Variants in ACACA observed in about 807,000 individuals in gnomAD.
ACACA encodes the protein acetyl-CoA carboxylase 1.
ACACA carries 103 observed loss-of-function variants against 296.1 expected under a neutral mutation model. That is an observed-to-expected ratio of 0.35 (90% confidence interval 0.30 to 0.41). ACACA has a LOEUF of 0.41. Ranked by LOEUF, ACACA falls within the 10% of genes least tolerant of loss-of-function variation. ACACA has a pLI of 1.00. For missense variants in ACACA, 1,554 were observed against 2,989.7 expected (o/e 0.52, Z 11.20); for synonymous variants, 953 against 1,038.6 (o/e 0.92, Z 1.58).
chr17:37,220,436 C>T (rs573104761), intron 29 of ACACA, among the ~76,000 whole-genome samples: 4 of 152,184 alleles, frequency 2.6e-5, no homozygotes, highest in African/African-American at 4.8e-5. Context: ...TTAAGTATAG[C>T]GTGTAGTTCT....
At chr17:37,295,981 C>CAG (rs2083309537) in intron 3 of ACACA, among the ~76,000 whole-genome samples, 1 of 152,066 alleles carries the variant, frequency 6.6e-6, no homozygotes, top group African/African-American at 2.4e-5. Context: ...GCACACTCTA[C>CAG]AGGTTGGGAG....
intron 1 of ACACA, chr17:37,365,391 G>A: frequency 1.1e-6 from 1 of 940,968 alleles, no homozygotes; most frequent in Non-Finnish European, 1.3e-6. Context: ...GTAGGACTAG[G>A]TATTTCTATT....
At chr17:37,278,296 T>A (rs1319432721) in intron 5 of ACACA, among the ~76,000 whole-genome samples, 8 of 152,230 alleles carry the variant, frequency 5.3e-5, no homozygotes, top group African/African-American at 1.4e-4. Flanking sequence ...TCAAGGCTGA[T>A]GTGTCTGTCA....
Position 37,210,459 on chromosome 17 carries a change from T to C in ACACA, c.3707+8A>G. ...TTTTAATTGGAAAAGAAACTAAACA[T>C]ACGGTACCTGTTTAGCGTAGGGATG... On this transcript the variant is annotated splice_region_variant and intron_variant, in intron 30 of 55. Transcript: ENST00000616317. 1 of 1,610,384 alleles carries C rather than the reference T, an allele frequency of 6.2e-7. No homozygotes were observed.
intron 3 of ACACA, among the ~76,000 whole-genome samples, chr17:37,297,983 G>A (rs1788873340): frequency 1.3e-5 from 2 of 151,984 alleles, no homozygotes; most frequent in East Asian, 3.9e-4. Flanking sequence ...TTTTAGAGAT[G>A]GGTTCTCACT....
At chr17:37,401,338 G>A (rs1315987295) in intron 1 of ACACA, among the ~76,000 whole-genome samples, 2 of 151,386 alleles carry the variant, frequency 1.3e-5, no homozygotes, top group Non-Finnish European at 2.9e-5. Flanking sequence ...GAATACAAGC[G>A]CCCGCCACCA....
At chr17:37,094,257 T>C (rs905366628) in intron 54 of ACACA, among the ~76,000 whole-genome samples, 2 of 152,210 alleles carry the variant, frequency 1.3e-5, no homozygotes, top group Admixed American at 1.3e-4. Context: ...CAGACTCCCA[T>C]AACTCATGGT....
intron 45 of ACACA, among the ~76,000 whole-genome samples, chr17:37,144,875 T>C (rs2411161): frequency 0.032 from 4,915 of 152,256 alleles, 121 homozygotes; most frequent in Non-Finnish European, 0.048. Flanking sequence ...TATCATCTCC[T>C]GGTGAATCTA....
At chr17:37,225,541 G>C (rs1323069531) in intron 26 of ACACA, 1 of 193,062 alleles carries the variant, frequency 5.2e-6, no homozygotes, top group African/African-American at 2.4e-5. Context: ...ACTAGGGAAA[G>C]CTGCTTTGAC....
In ACACA at chr17:37,089,093, TGGTCAAACACCAGG is replaced by T. The variant is rs773039383; in HGVS notation, c.6892-33_6892-20del. The T allele has an allele frequency of 2.5e-6, 4 of 1,614,172 alleles. 1 individual carries two copies. The South Asian group carries it at 4.4e-5, about 18-fold the overall frequency. On this transcript the variant is annotated intron_variant, in intron 54 of 55. Coordinates refer to ENST00000616317, the MANE Select transcript of ACACA (RefSeq NM_198834.3). ...CATAAGCCTGCAAACAGATGACTCT[TGGTCAAACACCAGG>T]GGTCAGGCCAGGCCGGGACACCCTG...
chr17:37,304,757 C>A (rs35120204), intron 3 of ACACA, among the ~76,000 whole-genome samples: 5,386 of 151,114 alleles, frequency 0.036, 209 homozygotes, highest in African/African-American at 0.091. Flanking sequence ...CCATTGCACT[C>A]CAGCCTGGGC....
At chr17:37,405,297 G>A (rs2051437161) in intron 1 of ACACA, among the ~76,000 whole-genome samples, 1 of 152,148 alleles carries the variant, frequency 6.6e-6, no homozygotes, top group Non-Finnish European at 1.5e-5. Context: ...TTAGTAATGT[G>A]TATATTGCTT....
intron 1 of ACACA, among the ~76,000 whole-genome samples, chr17:37,381,478 G>C (rs548227608): frequency 6.6e-6 from 1 of 151,204 alleles, no homozygotes; most frequent in African/African-American, 2.4e-5. Flanking sequence ...TAGCCACTGC[G>C]CCTGGCCAAT....
At chr17:37,375,586 A>AAAGG (rs1442348085) in intron 1 of ACACA, among the ~76,000 whole-genome samples, 1 of 152,198 alleles carries the variant, frequency 6.6e-6, no homozygotes, top group African/African-American at 2.4e-5. Flanking sequence ...ATAGCTCATA[A>AAAGG]AAGGGCCTGT....
chr17:37,376,842 C>A (rs527346609), intron 1 of ACACA, among the ~76,000 whole-genome samples: 43 of 152,044 alleles, frequency 2.8e-4, no homozygotes, highest in Non-Finnish European at 5.0e-4. Flanking sequence ...GTAATCTCAG[C>A]TACTCGGGTG....
chr17:37,321,721 C>G (rs1395575312), intron 3 of ACACA, among the ~76,000 whole-genome samples: 1 of 151,670 alleles, frequency 6.6e-6, no homozygotes, highest in Non-Finnish European at 1.5e-5. Context: ...GCCCTCCAGC[C>G]TGGGCGACAG....
Position 37,277,068 on chromosome 17 carries a change from G to A in ACACA, c.767C>T (p.Pro256Leu), listed in dbSNP as rs770486121. 1.9e-6 allele frequency: 3 copies of A among 1,613,912 alleles called. No individual in the cohort carries two copies. The highest frequency in any genetic ancestry group is 4.5e-5 in the East Asian group (2 of 44,894). The change falls in exon 7 of 56, where the codon CCG becomes CTG. Residue 256 changes from proline (P) to leucine (L), a missense_variant. Transcript: ENST00000616317. ...AATGCCATTTTTCAAGAGAAGTTCCGGTAGTTTGGGATTCTCAGAAGCATG... is the reference window on the plus strand; with the variant it reads ...AATGCCATTTTTCAAGAGAAGTTCCAGTAGTTTGGGATTCTCAGAAGCATG... ...WGHASENPKL[P>L]ELLLKNGIAF...
intron 6 of ACACA, among the ~76,000 whole-genome samples, chr17:37,277,552 T>C (rs2082332831): frequency 6.6e-6 from 1 of 152,182 alleles, no homozygotes; most frequent in African/African-American, 2.4e-5. Flanking sequence ...ACTAACACAA[T>C]GTGACAGGGA....
chr17:37,226,281 G>C, intron 26 of ACACA, 58 bp downstream of exon 26: 6 of 1,286,870 alleles, frequency 4.7e-6, no homozygotes, highest in Non-Finnish European at 6.8e-6. Context: ...ATTGTGTCTA[G>C]GACTGCCTGA....
Sources: allele counts gnomAD v4.1 joint callset (sites outside exome capture counted in the v4.1 genomes callset), GRCh38; gene constraint gnomAD v4.1.1; transcripts MANE v1.5; gene names NCBI Gene and HGNC (gene_info 2026-07-23, HGNC 2026-07-21).